PKD1L3: variants seen among roughly 807,000 people sequenced by gnomAD.
PKD1L3 encodes polycystin 1 like 3, transient receptor potential channel interacting.
In PKD1L3, 239 loss-of-function variants were observed where a neutral mutation model predicts 184.1. The ratio of observed to expected loss-of-function variants is 1.30; its 90% CI spans 1.17 to 1.45. The LOEUF (loss-of-function observed/expected upper bound fraction) is 1.45, where lower values mean the gene tolerates loss of function less well. Ranked by LOEUF, PKD1L3 falls within the 40% of genes most tolerant of loss-of-function variation. PKD1L3 has a pLI of 0.00. For missense variants in PKD1L3, 2,660 were observed against 2,067.2 expected (o/e 1.29, Z -5.56); for synonymous variants, 996 against 778.8 (o/e 1.28, Z -4.64).
At chr16:71,986,903 G>A (rs1156707640) in intron 4 of PKD1L3, among the ~76,000 whole-genome samples, 1 of 144,108 alleles carries the variant, frequency 6.9e-6, no homozygotes, top group East Asian at 2.1e-4. Context: ...ATGTTCAGTG[G>A]TAAGGAGAGG....
Position 71,998,379 on chromosome 16 carries a change from T to C in PKD1L3, c.311A>G (p.Asn104Ser). ...GCAGCTGAGGGGCTTTGGGGGCCCG[T>C]TGGCTGCAACGTCTGCTGAGGGGAG... ...DNKYPADVAA[N>S]GPPKPLSCTY... is the part of the protein sequence containing the mutation. Residue 104 changes from asparagine (N) to serine (S), a missense_variant, in exon 2 of 30, where the codon AAC (asparagine) becomes AGC (serine). Physicochemically the swap from Asn to Ser is conservative, Grantham distance 46. Transcript: ENST00000620267. 3.9e-6 allele frequency: 6 copies of C among 1,551,586 alleles called. No homozygotes were observed. The highest frequency in any genetic ancestry group is 2.4e-5 in the South Asian group (2 of 84,056).
chr16:71,945,394 A>ATT (rs1567498787), intron 22 of PKD1L3, among the ~76,000 whole-genome samples: 1,935 of 98,760 alleles, frequency 0.02, 51 homozygotes, highest in African/African-American at 0.06. Context: ...ATATATATAT[A>ATT]TATATTTATT....
At chr16:71,970,609 AC>A (rs1207040698) in intron 12 of PKD1L3, among the ~76,000 whole-genome samples, 1 of 152,038 alleles carries the variant, frequency 6.6e-6, no homozygotes, top group Non-Finnish European at 1.5e-5. Context: ...GGAGTTTGAG[AC>A]CAGCCTGGAC....
chr16:71,947,579 TGAA>T lies in PKD1L3; in HGVS notation c.3628_3630del (p.Phe1210del). On this transcript the variant is annotated inframe_deletion, in exon 22 of 30. Coordinates refer to ENST00000620267, the MANE Select transcript of PKD1L3 (RefSeq NM_181536.2). ...CTCATCATCAGTGAGTATAAGAATG[TGAA>T]GAAGACCACCTGGGCAGGAGAATCA... 3 of 1,541,694 alleles carry T rather than the reference TGAA, an allele frequency of 1.9e-6. No homozygotes were observed. Among genetic ancestry groups the T allele is most frequent in the South Asian group, 2.4e-5 (2 of 83,814 alleles).
At chr16:71,938,452 G>A (rs1227404062) in intron 24 of PKD1L3, among the ~76,000 whole-genome samples, 1 of 152,246 alleles carries the variant, frequency 6.6e-6, no homozygotes, top group Non-Finnish European at 1.5e-5. Context: ...ACAGGCTCCT[G>A]GGCAGAAAGG....
rs1016829218 is a variant in PKD1L3 at position 71,951,542 on chromosome 16, A to G, written c.3190+22T>C. On this transcript the variant is annotated intron_variant, in intron 19 of 29. Transcript: ENST00000620267. ...GTGGGAGGCAGATGGAAGATTCGTT[A>G]CTGAAATCTACTGAAGTTTACCACG... 3.9e-6 allele frequency: 6 copies of G among 1,534,936 alleles called. No homozygotes were observed. In the African/African-American group the frequency reaches 6.9e-5, roughly 18 times the overall value.
In PKD1L3 at chr16:71,954,212, G is replaced by C. The variant is rs1567509664; in HGVS notation, c.2702C>G (p.Thr901Arg). 2.6e-6 allele frequency: 4 copies of C among 1,551,514 alleles called. No homozygotes were observed. The highest frequency in any genetic ancestry group is 3.5e-6 in the Non-Finnish European group (4 of 1,146,772). ...IATRHPWNQF[T>R]RVQRLSCCMT... Reference sequence around the variant, plus strand: ...GCAGCAAGACAGCCGTTGGACCCTTGTAAACTGGTTCCAGGGATGCCGAGT... The same window carrying C: ...GCAGCAAGACAGCCGTTGGACCCTTCTAAACTGGTTCCAGGGATGCCGAGT... Residue 901 changes from threonine to arginine, a missense_variant, in exon 17 of 30, where the codon ACA (threonine) becomes AGA (arginine). Coordinates refer to ENST00000620267, the MANE Select transcript of PKD1L3 (RefSeq NM_181536.2).
chr16:71,941,237 T>A, intron 24 of PKD1L3, among the ~76,000 whole-genome samples: 1 of 149,532 alleles, frequency 6.7e-6, no homozygotes, highest in African/African-American at 2.5e-5. Flanking sequence ...CAGTAAAGGA[T>A]CAGAAGGAAA....
intron 26 of PKD1L3, among the ~76,000 whole-genome samples, chr16:71,934,849 CCACTTGGCAA>C (rs1208991013): frequency 6.6e-6 from 1 of 152,162 alleles, no homozygotes; most frequent in African/African-American, 2.4e-5. Context: ...TAGCAAAGCA[CCACTTGGCAA>C]CACTTGGCAT....
At chr16:71,994,761 G>A (rs1450398200) in intron 2 of PKD1L3, among the ~76,000 whole-genome samples, 1 of 152,124 alleles carries the variant, frequency 6.6e-6, no homozygotes, top group Non-Finnish European at 1.5e-5. Context: ...CACTTAGGGA[G>A]GCCGAGGAGA....
chr16:71,937,468 C>T (rs1161818647), intron 24 of PKD1L3, 49 bp from the exon 25 acceptor site: 1 of 1,530,852 alleles, frequency 6.5e-7, no homozygotes, highest in East Asian at 2.5e-5. Flanking sequence ...AACTTTTGCC[C>T]TCTTCTTGTT....
chr16:71,938,666 A>G (rs539502940), intron 24 of PKD1L3, among the ~76,000 whole-genome samples: 37 of 152,340 alleles, frequency 2.4e-4, no homozygotes, highest in African/African-American at 7.7e-4. Context: ...AGACTCAGCC[A>G]GACTTGGGCA....
chr16:71,937,351 A>G lies in PKD1L3; in HGVS notation c.4393T>C (p.Trp1465Arg), dbSNP rs759618986. The change falls in exon 25 of 30, where the codon TGG becomes CGG. Residue 1465 changes from tryptophan to arginine, a missense_variant. By Grantham distance (101) the Trp-to-Arg change is moderately radical (BLOSUM62 -3). Coordinates refer to ENST00000620267, the MANE Select transcript of PKD1L3 (RefSeq NM_181536.2). ...SLQMSKKGCV[W>R]SIISQVIYYL... ...TAGATGACTTGTGAGATGATAGACC[A>G]GACACAGCCCTTCTTTGACATCTGA... 16 of 1,551,602 alleles carry G rather than the reference A, an allele frequency of 1.0e-5. No homozygotes were observed. Among genetic ancestry groups the G allele is most frequent in the Non-Finnish European group, 1.4e-5 (16 of 1,146,986 alleles).
At position 71,945,942 on chromosome 16, in the gene PKD1L3, A is replaced by G. The variant is rs367923357; in HGVS notation, c.3718+1550T>C. Among the ~76,000 whole-genome samples the G allele has an allele frequency of 1.8e-4, 28 of 152,288 alleles. 1 individual carries two copies. Among genetic ancestry groups the G allele is most frequent in the Admixed American group, 9.8e-4 (15 of 15,290 alleles). ...AGTTCAGAATGCACAGAGAAACAAA[A>G]TAAGTGCAAGGAAGGCAATTTATTA... On this transcript the variant is annotated intron_variant, in intron 22 of 29. Transcript: ENST00000620267.
chr16:71,962,864 T>C (rs1207685854), intron 16 of PKD1L3, among the ~76,000 whole-genome samples: 2 of 152,218 alleles, frequency 1.3e-5, no homozygotes, highest in African/African-American at 4.8e-5. Flanking sequence ...CTCATAAATA[T>C]TTGTATCATC....
Position 71,984,108 on chromosome 16 carries a change from GT to G in PKD1L3, c.893del (p.Asn298ThrfsTer13). The G allele has an allele frequency of 6.4e-7, 1 of 1,552,094 alleles. No homozygotes were observed. The highest frequency in any genetic ancestry group is 8.7e-7 in the Non-Finnish European group (1 of 1,147,038). On this transcript the variant is annotated frameshift_variant, in exon 6 of 30. Transcript: ENST00000620267. LOFTEE classifies it high-confidence loss of function. ...SRAVHGLQALNKLQEACEFLQ... is the reference protein window; with the variant it reads ...SRAVHGLQALXKLQEACEFLQ... ...GGAACTCACAAGCTTCCTGTAGTTT[GT>G]TAAGAGCTTGCAAACCATGAACTGC...
At chr16:71,965,137 T>C (rs2143559938) in intron 15 of PKD1L3, among the ~76,000 whole-genome samples, 1 of 152,308 alleles carries the variant, frequency 6.6e-6, no homozygotes, top group South Asian at 2.1e-4. Context: ...TGTGAGCCAC[T>C]GTGTCTGGCC....
intron 24 of PKD1L3, among the ~76,000 whole-genome samples, chr16:71,942,226 G>A (rs912129140): frequency 6.6e-5 from 10 of 152,096 alleles, no homozygotes; most frequent in Non-Finnish European, 1.5e-4. Context: ...CAGTTACTTG[G>A]GAGGCTCAGG....
At chr16:71,995,118 T>C (rs572065557) in intron 2 of PKD1L3, among the ~76,000 whole-genome samples, 13 of 152,304 alleles carry the variant, frequency 8.5e-5, no homozygotes, top group African/African-American at 2.6e-4. Flanking sequence ...TTCTGGAGGC[T>C]GGACGTCCAA....
Sources: gnomAD v4.1 joint callset for allele counts (sites outside exome capture counted in the v4.1 genomes callset) on GRCh38, gnomAD v4.1.1 for gene constraint, MANE v1.5 for transcripts, NCBI Gene and HGNC (gene_info 2026-07-23, HGNC 2026-07-21) for gene names.